TMEM255A: variants seen among roughly 807,000 people sequenced by gnomAD.
TMEM255A encodes family with sequence similarity 70, member A.
A neutral mutation model predicts 23.5 loss-of-function variants in TMEM255A; 14 were observed. The ratio of observed to expected loss-of-function variants is 0.60; its 90% CI spans 0.39 to 0.93. TMEM255A has a LOEUF of 0.93. Ranked by LOEUF, TMEM255A falls within the 40% of genes least tolerant of loss-of-function variation. The pLI is 0.00. For synonymous variants in TMEM255A, 104 were observed against 100.3 expected, an observed-to-expected ratio of 1.04 and a Z score of -0.22; for missense variants, 233 against 261.7, an observed-to-expected ratio of 0.89 and a Z score of 0.76.
the TMEM255A span, among the ~76,000 whole-genome samples, chrX:120,251,818 A>G: frequency 8.9e-6 from 1 of 112,071 alleles, no homozygotes; most frequent in Non-Finnish European, 1.9e-5. Flanking sequence ...GGAGGGGGAC[A>G]CATAAACGAA....
chrX:120,303,045 G>A (rs1221006076), intron 2 of TMEM255A, among the ~76,000 whole-genome samples: 1 of 111,621 alleles, frequency 9.0e-6, no homozygotes, highest in African/African-American at 3.3e-5. Flanking sequence ...CAATTGAGGA[G>A]CCATTTAATT....
At chrX:120,310,344 T>G (rs1368289165) in intron 1 of TMEM255A, among the ~76,000 whole-genome samples, 1 of 111,398 alleles carries the variant, frequency 9.0e-6, no homozygotes, top group African/African-American at 3.3e-5. Context: ...GGGTTTGTTT[T>G]TTTTTGTAAC....
rs2057661467 is a variant in TMEM255A, at chrX:120,259,492, T to G, written c.*1378A>C. ...CCATCAAGTTGGGAGGTAGCAAAAT[T>G]GGCCGGAAAATTTTCCAGTGTGTGT... On this transcript the variant is annotated 3_prime_UTR_variant, in exon 9 of 9. Transcript: ENST00000371369. 8.9e-6 allele frequency: 1 copy of G among 111,988 alleles called. No individual in the cohort carries two copies. The highest frequency in any genetic ancestry group is 3.3e-5 in the African/African-American group (1 of 30,671). The allele number at this position is 111,988 out of a possible 1,213,427, so 9.2% of individuals were successfully genotyped here.
chrX:120,283,851 C>G (rs898194457), intron 6 of TMEM255A, among the ~76,000 whole-genome samples: 21 of 111,219 alleles, frequency 1.9e-4, no homozygotes, highest in Non-Finnish European at 5.7e-5. Flanking sequence ...CCTTCAATGG[C>G]CCCCAGTTGC....
At chrX:120,303,013 TA>T (rs2058042713) in intron 2 of TMEM255A, among the ~76,000 whole-genome samples, 1 of 111,914 alleles carries the variant, frequency 8.9e-6, no homozygotes, top group Non-Finnish European at 1.9e-5. Flanking sequence ...TGAATTGTCC[TA>T]AAGGTCCTTC....
At chrX:120,286,985 C>T (rs782284873) in intron 5 of TMEM255A, among the ~76,000 whole-genome samples, 169 bp downstream of exon 5, 1 of 111,830 alleles carries the variant, frequency 8.9e-6, no homozygotes, top group South Asian at 3.8e-4. Flanking sequence ...GAGGCTCCAA[C>T]CTATGACCAT....
At chrX:120,309,713 G>T (rs2058087050) in intron 1 of TMEM255A, among the ~76,000 whole-genome samples, 1 of 110,857 alleles carries the variant, frequency 9.0e-6, no homozygotes, top group African/African-American at 3.3e-5. Flanking sequence ...GCTCTCTCTC[G>T]CTCTCGCGCT....
At position 120,296,626 on chromosome X, in the gene TMEM255A, T is replaced by TAC. The variant is rs1569339397; in HGVS notation, c.202-2576_202-2575insGT. Among the ~76,000 whole-genome samples, 12 of 71,020 alleles carry TAC rather than the reference T, an allele frequency of 1.7e-4. 1 individual carries two copies. Among genetic ancestry groups the TAC allele is most frequent in the Admixed American group, 4.6e-4 (2 of 4,386 alleles). The allele number at this position is 71,020 out of a possible 115,157, so 61.7% of individuals were successfully genotyped here. On this transcript the variant is annotated intron_variant, in intron 2 of 8. Coordinates refer to ENST00000371369, the MANE Select transcript of TMEM255A (RefSeq NM_001104544.3). ...ATAATTCACGCAGCCAGGAATATAA[T>TAC]ATATATATATTATATTATAATATAA...
At chrX:120,268,814 T>C (rs1031013558) in intron 7 of TMEM255A, among the ~76,000 whole-genome samples, 1 of 111,925 alleles carries the variant, frequency 8.9e-6, no homozygotes, top group African/African-American at 3.2e-5. Context: ...ACTTGAAAAA[T>C]TTAAACCTAT....
chrX:120,301,051 TCAG>T (rs1556025926), intron 2 of TMEM255A, among the ~76,000 whole-genome samples: 63 of 110,934 alleles, frequency 5.7e-4, no homozygotes, highest in Admixed American at 7.7e-4. Context: ...ACTTTACAGT[TCAG>T]ACTGTACAGA....
intron 8 of TMEM255A, among the ~76,000 whole-genome samples, chrX:120,261,474 A>G (rs1431368079): frequency 8.9e-6 from 1 of 112,435 alleles, no homozygotes; most frequent in Non-Finnish European, 1.9e-5. Flanking sequence ...CTAAAAGAGT[A>G]TATCACAGAG....
intron 6 of TMEM255A, among the ~76,000 whole-genome samples, chrX:120,284,611 C>T (rs1383906058): frequency 9.0e-6 from 1 of 110,837 alleles, no homozygotes; most frequent in Non-Finnish European, 1.9e-5. Flanking sequence ...CTCTGATCAC[C>T]ACCTGGCATT....
At chrX:120,310,865 G>C (rs781882809) in intron 1 of TMEM255A, among the ~76,000 whole-genome samples, 1 of 108,234 alleles carries the variant, frequency 9.2e-6, no homozygotes, top group South Asian at 4.3e-4. Context: ...GCTCTTAGAA[G>C]TGACCAGGAC....
chrX:120,253,610 G>A, the TMEM255A span: 3 of 1,210,669 alleles, frequency 2.5e-6, no homozygotes, highest in African/African-American at 1.7e-5. Flanking sequence ...CTGTTGCTGG[G>A]CAAGTTGTTG....
intron 2 of TMEM255A, 60 bp from the exon 3 acceptor site, chrX:120,294,111 A>T: frequency 6.7e-6 from 6 of 897,124 alleles, no homozygotes; most frequent in Non-Finnish European, 9.5e-6. Flanking sequence ...CCACACAATC[A>T]TTCCAGCCCC....
At chrX:120,299,809 C>A (rs1556025599) in intron 2 of TMEM255A, among the ~76,000 whole-genome samples, 1 of 112,093 alleles carries the variant, frequency 8.9e-6, no homozygotes, top group South Asian at 3.7e-4. Flanking sequence ...TCATGTTAAT[C>A]AAAATTTCTT....
the TMEM255A span, among the ~76,000 whole-genome samples, chrX:120,252,328 C>G: frequency 1.8e-5 from 2 of 109,929 alleles, no homozygotes; most frequent in Non-Finnish European, 1.9e-5. Flanking sequence ...TAAAATATAT[C>G]CATATATAAT....
At chrX:120,290,224 A>C (rs1471267594) in intron 4 of TMEM255A, among the ~76,000 whole-genome samples, 1 of 111,918 alleles carries the variant, frequency 8.9e-6, no homozygotes, top group Non-Finnish European at 1.9e-5. Context: ...CAACATTAGG[A>C]ATGAGGGGAA....
At chrX:120,287,323 A>ACACACACACACACACC in intron 4 of TMEM255A, 101 bp from the exon 5 acceptor site, 1 of 560,210 alleles carries the variant, frequency 1.8e-6, no homozygotes. Context: ...ACACACACAC[A>ACACACACACACACACC]CACACACACA....
Sources: gnomAD v4.1 joint callset for allele counts (sites outside exome capture counted in the v4.1 genomes callset) on GRCh38, gnomAD v4.1.1 for gene constraint, MANE v1.5 for transcripts, NCBI Gene and HGNC (gene_info 2026-07-23, HGNC 2026-07-21) for gene names.